Variants in LINGO2 observed in about 807,000 individuals in gnomAD.
The protein encoded by LINGO2 is leucine rich repeat and Ig domain containing 2, also known as leucine-rich repeat and immunoglobulin-like domain-containing nogo receptor-interacting protein 2.
In LINGO2, 14 loss-of-function variants were observed where a neutral mutation model predicts 30.6. The ratio of observed to expected loss-of-function variants is 0.46; its 90% confidence interval spans 0.30 to 0.72. The LOEUF (loss-of-function observed/expected upper bound fraction) is 0.72. Among genes scored for constraint, LINGO2 ranks in the 30% least tolerant of loss-of-function variants. The pLI is 0.07. For synonymous variants in LINGO2, 317 were observed against 288.5 expected (o/e 1.10, Z -1.00); for missense variants, 729 against 751.7 (o/e 0.97, Z 0.35).
chr9:28,737,017 G>C, the LINGO2 span, among the ~76,000 whole-genome samples: 2 of 152,096 alleles, frequency 1.3e-5, no homozygotes, highest in Non-Finnish European at 1.5e-5. Context: ...ATATTCCCTT[G>C]CATATTAGAT....
At chr9:28,859,903 A>G in the LINGO2 span, among the ~76,000 whole-genome samples, 1 of 152,132 alleles carries the variant, frequency 6.6e-6, no homozygotes, top group South Asian at 2.1e-4. Flanking sequence ...AAAAGGATGC[A>G]TTTATTTAAA....
At chr9:28,092,849 A>G (rs2042952340) in intron 4 of LINGO2, among the ~76,000 whole-genome samples, 1 of 152,096 alleles carries the variant, frequency 6.6e-6, no homozygotes, top group African/African-American at 2.4e-5. Context: ...ATTTTATGAC[A>G]TAGTATTATA....
At chr9:28,535,531 AT>A (rs547338473) in intron 1 of LINGO2, among the ~76,000 whole-genome samples, 1,756 of 151,464 alleles carry the variant, frequency 0.012, 27 homozygotes, top group African/African-American at 0.04. Context: ...AACTGTATCT[AT>A]TTTTTTTTAA....
intron 1 of LINGO2, among the ~76,000 whole-genome samples, chr9:28,575,931 C>CAT (rs1309508178): frequency 6.7e-6 from 1 of 150,272 alleles, no homozygotes; most frequent in Admixed American, 6.6e-5. Flanking sequence ...TTGAAATACA[C>CAT]ACACACACAC....
At chr9:28,646,333 G>T (rs745707510) in intron 1 of LINGO2, among the ~76,000 whole-genome samples, 8 of 152,038 alleles carry the variant, frequency 5.3e-5, no homozygotes, top group African/African-American at 9.7e-5. Flanking sequence ...CTAACATGCT[G>T]GGATAGTCAT....
At chr9:29,032,454 G>T in the LINGO2 span, among the ~76,000 whole-genome samples, 2 of 152,260 alleles carry the variant, frequency 1.3e-5, no homozygotes, top group South Asian at 2.1e-4. Flanking sequence ...AAAAATCAGT[G>T]TGCAGCTCAC....
the LINGO2 span, among the ~76,000 whole-genome samples, chr9:28,795,983 T>TACACACACAC: frequency 0.071 from 9,793 of 138,014 alleles, 418 homozygotes; most frequent in East Asian, 0.19. Context: ...CAGTACTAGA[T>TACACACACAC]ACACACACAC....
chr9:28,673,361 T>A (rs773882433), upstream of LINGO2, among the ~76,000 whole-genome samples: 2 of 152,012 alleles, frequency 1.3e-5, no homozygotes, highest in African/African-American at 4.8e-5. Flanking sequence ...AGAAAGATAT[T>A]AGTAATAGAA....
At chr9:28,940,813 T>C in the LINGO2 span, among the ~76,000 whole-genome samples, 1 of 152,154 alleles carries the variant, frequency 6.6e-6, no homozygotes, top group Non-Finnish European at 1.5e-5. Context: ...GCTCCTGCTG[T>C]TTGCAAAACT....
At chr9:28,587,712 G>A (rs897911007) in intron 1 of LINGO2, among the ~76,000 whole-genome samples, 4 of 151,876 alleles carry the variant, frequency 2.6e-5, no homozygotes, top group African/African-American at 7.2e-5. Flanking sequence ...TAGGCCAGGA[G>A]AGGGAATCTT....
intron 4 of LINGO2, among the ~76,000 whole-genome samples, chr9:28,032,215 AT>A (rs2132899715): frequency 6.6e-6 from 1 of 152,056 alleles, no homozygotes; most frequent in South Asian, 2.1e-4. Context: ...TAAAAAAAAA[AT>A]ACAACATGAT....
intron 4 of LINGO2, among the ~76,000 whole-genome samples, chr9:28,077,115 A>C (rs1825647046): frequency 6.6e-6 from 1 of 152,180 alleles, no homozygotes; most frequent in Admixed American, 6.5e-5. Context: ...ACTCTAAAAC[A>C]AAAACATTTT....
the LINGO2 span, among the ~76,000 whole-genome samples, chr9:28,947,424 T>A: frequency 6.6e-6 from 1 of 152,066 alleles, no homozygotes; most frequent in Non-Finnish European, 1.5e-5. Flanking sequence ...CTTCTGTTTC[T>A]GCATCTTTAC....
chr9:28,673,636 C>T (rs755210139), upstream of LINGO2, among the ~76,000 whole-genome samples: 1 of 151,832 alleles, frequency 6.6e-6, no homozygotes, highest in Non-Finnish European at 1.5e-5. Flanking sequence ...CACTACACTC[C>T]ACCCTGGGAA....
intron 1 of LINGO2, among the ~76,000 whole-genome samples, chr9:28,607,064 A>G (rs968661432): frequency 1.3e-5 from 2 of 152,102 alleles, no homozygotes; most frequent in African/African-American, 2.4e-5. Flanking sequence ...AATGTGGGAA[A>G]TACCTGTCTT....
At chr9:28,272,074 C>T (rs1291020618) in intron 4 of LINGO2, among the ~76,000 whole-genome samples, 1 of 152,118 alleles carries the variant, frequency 6.6e-6, no homozygotes, top group Non-Finnish European at 1.5e-5. Flanking sequence ...TTACTTCTTC[C>T]CCATGTCATC....
At chr9:28,510,170 A>G (rs991363606) in intron 1 of LINGO2, among the ~76,000 whole-genome samples, 3 of 152,134 alleles carry the variant, frequency 2.0e-5, no homozygotes, top group African/African-American at 7.2e-5. Flanking sequence ...TTCTCTAAAC[A>G]TGGTTATTAA....
the LINGO2 span, among the ~76,000 whole-genome samples, chr9:28,789,348 A>G: frequency 2.0e-5 from 3 of 152,210 alleles, no homozygotes; most frequent in South Asian, 4.1e-4. Flanking sequence ...ATGAACCACA[A>G]TGTTTTGTAA....
chr9:28,402,399 T>G (rs1822308303), intron 2 of LINGO2, among the ~76,000 whole-genome samples: 1 of 151,972 alleles, frequency 6.6e-6, no homozygotes, highest in Non-Finnish European at 1.5e-5. Context: ...GATAAAACAT[T>G]GAAAAAAGTG....
Sources: gnomAD v4.1 joint callset for allele counts (sites outside exome capture counted in the v4.1 genomes callset) on GRCh38, gnomAD v4.1.1 for gene constraint, MANE v1.5 for transcripts, NCBI Gene and HGNC (gene_info 2026-07-23, HGNC 2026-07-21) for gene names.